Variants in SAMD3 observed in about 807,000 individuals in gnomAD.
The protein encoded by SAMD3 is sterile alpha motif domain containing 3.
In SAMD3, 63 loss-of-function variants were observed where a neutral mutation model predicts 58.5. The ratio of observed to expected loss-of-function variants is 1.08; its 90% confidence interval spans 0.88 to 1.33. SAMD3 has a LOEUF of 1.33. Among genes scored for constraint, SAMD3 ranks in the 40% most tolerant of loss-of-function variants. SAMD3 has a pLI of 0.00. For synonymous variants in SAMD3, 220 were observed against 210.3 expected (o/e 1.05, Z -0.40); for missense variants, 604 against 608.4 (o/e 0.99, Z 0.08).
At chr6:130,213,231 G>C (rs149013393) in intron 4 of SAMD3, among the ~76,000 whole-genome samples, 4,423 of 151,990 alleles carry the variant, frequency 0.029, 80 homozygotes, top group Middle Eastern at 0.041. Context: ...CCAGGAATTC[G>C]AAGCTGCCGT....
intron 1 of SAMD3, among the ~76,000 whole-genome samples, chr6:130,332,742 T>G (rs2115014339): frequency 6.6e-6 from 1 of 152,084 alleles, no homozygotes; most frequent in African/African-American, 2.4e-5. Context: ...TAGAAAGAAT[T>G]TTGCTGTGAA....
At chr6:130,233,679 AC>A (rs1796607409) in intron 2 of SAMD3, among the ~76,000 whole-genome samples, 1 of 152,162 alleles carries the variant, frequency 6.6e-6, no homozygotes. Context: ...TTAAATCAAA[AC>A]CCTGAAATAG....
intron 1 of SAMD3, among the ~76,000 whole-genome samples, chr6:130,337,446 T>C (rs983109432): frequency 2.0e-5 from 3 of 152,194 alleles, no homozygotes; most frequent in Admixed American, 1.3e-4. Context: ...CAGTTCTTTA[T>C]AGCAGTGTGA....
rs1487205585 is a variant in SAMD3 at position 130,153,573 on chromosome 6, T to C, written c.1023+1252A>G. Among the ~76,000 whole-genome samples the C allele has an allele frequency of 2.7e-5, 4 of 150,048 alleles. No homozygotes were observed. In the East Asian group the frequency reaches 7.8e-4, roughly 29 times the overall value. ...CCACCACCAAAAATTACACTAAAAT[T>C]GTGAAAGAACCTTGAATGGCCACTC... On this transcript the variant is annotated intron_variant, in intron 9 of 11. Transcript: ENST00000439090.
intron 8 of SAMD3, among the ~76,000 whole-genome samples, chr6:130,169,106 G>T (rs926450808): frequency 3.9e-5 from 6 of 152,196 alleles, no homozygotes; most frequent in Admixed American, 2.0e-4. Flanking sequence ...ACCATGCCTG[G>T]CTCAGCAATC....
At chr6:130,198,570 A>T (rs1256462817) in intron 5 of SAMD3, among the ~76,000 whole-genome samples, 1 of 152,162 alleles carries the variant, frequency 6.6e-6, no homozygotes, top group African/African-American at 2.4e-5. Context: ...TGTTGTGCTA[A>T]AACAGCCCAC....
At chr6:130,251,326 A>G (rs1243035808) in intron 2 of SAMD3, among the ~76,000 whole-genome samples, 1 of 152,096 alleles carries the variant, frequency 6.6e-6, no homozygotes, top group African/African-American at 2.4e-5. Context: ...TCTTGATTCT[A>G]TATCTTTTCA....
chr6:130,233,221 A>T (rs1796594340), intron 2 of SAMD3, among the ~76,000 whole-genome samples: 1 of 152,202 alleles, frequency 6.6e-6, no homozygotes, highest in Non-Finnish European at 1.5e-5. Flanking sequence ...ACTAGAAAGC[A>T]TCACAGAACT....
upstream of SAMD3, among the ~76,000 whole-genome samples, chr6:130,224,309 A>G (rs1796323905): frequency 6.6e-6 from 1 of 152,012 alleles, no homozygotes; most frequent in African/African-American, 2.4e-5. Context: ...GGAAAATGCA[A>G]CATTTGGGCG....
At chr6:130,357,784 GAC>G (rs1777878102) in intron 1 of SAMD3, among the ~76,000 whole-genome samples, 1 of 152,188 alleles carries the variant, frequency 6.6e-6, no homozygotes, top group Non-Finnish European at 1.5e-5. Context: ...GCTGCTACCT[GAC>G]ACACTTTATT....
chr6:130,365,655 G>C, upstream of SAMD3: 1 of 985,464 alleles, frequency 1.0e-6, no homozygotes, highest in Non-Finnish European at 1.2e-6. Context: ...CTAGAGGCGG[G>C]CCCCACGGGT....
intron 2 of SAMD3, among the ~76,000 whole-genome samples, chr6:130,231,599 G>T (rs12194348): frequency 0.35 from 52,909 of 151,922 alleles, 9,706 homozygotes; most frequent in East Asian, 0.47. Context: ...TAATTTTTAA[G>T]GATAGCATTT....
rs1170154185 is a variant in SAMD3, at chr6:130,294,726, G to A, written c.-188+18252C>T. On this transcript the variant is annotated intron_variant, in intron 2 of 13. Transcript: ENST00000368134. ...AAATTTGTACATGATTGAGTATTCT[G>A]AATGTCTCGAATGCCTCCAAGTCCT... Among the ~76,000 whole-genome samples the A allele has an allele frequency of 4.0e-5, 6 of 150,526 alleles. No individual in the cohort carries two copies. The East Asian group carries it at 1.2e-3, about 29-fold the overall frequency.
intron 2 of SAMD3, among the ~76,000 whole-genome samples, chr6:130,263,430 A>G (rs11758487): frequency 0.31 from 47,544 of 151,930 alleles, 7,833 homozygotes; most frequent in East Asian, 0.47. Context: ...AGCCAGCCTC[A>G]GAAGGACCCT....
chr6:130,306,947 T>G (rs1368898057), intron 2 of SAMD3, among the ~76,000 whole-genome samples: 7 of 152,262 alleles, frequency 4.6e-5, no homozygotes, highest in Admixed American at 6.5e-5. Context: ...CTACTGAGGT[T>G]CTATTTCTAA....
chr6:130,321,269 T>A (rs1051364175), intron 1 of SAMD3, among the ~76,000 whole-genome samples: 4 of 152,154 alleles, frequency 2.6e-5, no homozygotes, highest in African/African-American at 9.7e-5. Flanking sequence ...GGCAAGAAAC[T>A]GATATCTGTG....
chr6:130,214,527 C>T lies in SAMD3; in HGVS notation c.80-1G>A. 1.9e-6 allele frequency: 3 copies of T among 1,571,562 alleles called. No homozygotes were observed. The highest frequency in any genetic ancestry group is 1.7e-6 in the Non-Finnish European group (2 of 1,162,720). On this transcript the variant is annotated splice_acceptor_variant, in intron 3 of 11. Transcript: ENST00000439090. LOFTEE classifies it high-confidence loss of function. ...AGAGCGGCCCCACTTACTTCTTCCT[C>T]TGGGAAAAAGAAAAAAAATTAGTTT...
intron 1 of SAMD3, chr6:130,221,532 A>T (rs1796225477): frequency 1.3e-5 from 2 of 152,228 alleles, no homozygotes; most frequent in African/African-American, 4.8e-5. Flanking sequence ...CATATTTTGT[A>T]TGTTATATAT....
chr6:130,207,159 C>CAAAAAA (rs376844642), intron 5 of SAMD3, among the ~76,000 whole-genome samples: 19 of 52,718 alleles, frequency 3.6e-4, no homozygotes, highest in Non-Finnish European at 4.9e-4. Flanking sequence ...CCCATCTCAT[C>CAAAAAA]AAAAAAAAAA....
Sources: allele counts gnomAD v4.1 joint callset (sites outside exome capture counted in the v4.1 genomes callset), GRCh38; gene constraint gnomAD v4.1.1; transcripts MANE v1.5; gene names NCBI Gene and HGNC (gene_info 2026-07-23, HGNC 2026-07-21).